ZCWPW2: variants seen among roughly 807,000 people sequenced by gnomAD.
The protein encoded by ZCWPW2 is zinc finger CW-type PWWP domain protein 2.
Under a neutral mutation model 46.6 loss-of-function variants are expected in ZCWPW2, and 45 were observed. The observed-to-expected ratio is 0.96, with a 90% CI of 0.76 to 1.24. The LOEUF (loss-of-function observed/expected upper bound fraction) is 1.24, where lower values mean the gene tolerates loss of function less well. Ranked by LOEUF, ZCWPW2 falls within the 50% of genes most tolerant of loss-of-function variation. The pLI is 0.00. For missense variants in ZCWPW2, 429 were observed against 403.9 expected, an observed-to-expected ratio of 1.06 and a Z score of -0.53; for synonymous variants, 152 against 137.1, an observed-to-expected ratio of 1.11 and a Z score of -0.76.
At chr3:28,392,162 G>T (rs1014363717) in intron 2 of ZCWPW2, among the ~76,000 whole-genome samples, 2 of 152,016 alleles carry the variant, frequency 1.3e-5, no homozygotes, top group African/African-American at 4.8e-5. Context: ...TCCAAAAGAG[G>T]CCAGGGCTAC....
intron 3 of ZCWPW2, among the ~76,000 whole-genome samples, chr3:28,424,228 AAC>A (rs55725925): frequency 0.05 from 7,001 of 138,674 alleles, 213 homozygotes; most frequent in African/African-American, 0.086. Context: ...GTCTTATTCC[AAC>A]ACACACACAC....
At chr3:28,470,258 G>A (rs1698986578) in intron 4 of ZCWPW2, among the ~76,000 whole-genome samples, 1 of 152,152 alleles carries the variant, frequency 6.6e-6, no homozygotes, top group Non-Finnish European at 1.5e-5. Flanking sequence ...ACTTCGGAAG[G>A]CCGAGGCTGG....
chr3:28,429,441 G>A (rs749790856), intron 3 of ZCWPW2, among the ~76,000 whole-genome samples: 1 of 152,172 alleles, frequency 6.6e-6, no homozygotes. Flanking sequence ...CATTCACAAA[G>A]ATATGGTTTG....
rs1240003715 is a variant in ZCWPW2 at position 28,515,743 on chromosome 3, G to GTA, written c.784+123_784+124insAT. On this transcript the variant is annotated intron_variant, in intron 8 of 9. Transcript: ENST00000383768. ...TGTGTGTGTGTGTGTGTGTGTGTGT[G>GTA]TGTATACACATATATACATGTGCGT... The GTA allele has an allele frequency of 4.3e-4, 313 of 724,190 alleles. 3 individuals are homozygous for GTA. In the African/African-American group the frequency reaches 5.4e-3, roughly 12 times the overall value. 44.9% of individuals were successfully genotyped at this position (724,190 alleles called of 1,614,324 possible).
At chr3:28,445,541 T>C (rs1346929971) in intron 4 of ZCWPW2, among the ~76,000 whole-genome samples, 1 of 151,992 alleles carries the variant, frequency 6.6e-6, no homozygotes, top group African/African-American at 2.4e-5. Flanking sequence ...AAAACAGCTA[T>C]AGAATATATG....
At chr3:28,509,704 T>G (rs141878591) in intron 6 of ZCWPW2, among the ~76,000 whole-genome samples, 37 of 152,308 alleles carry the variant, frequency 2.4e-4, no homozygotes, top group African/African-American at 8.4e-4. Context: ...TTGTGAGTTC[T>G]TTACATATTC....
intron 4 of ZCWPW2, among the ~76,000 whole-genome samples, chr3:28,467,291 C>A (rs1177667599): frequency 6.7e-6 from 1 of 149,458 alleles, no homozygotes; most frequent in African/African-American, 2.6e-5. Flanking sequence ...ATACAAACTA[C>A]AAACAGAGGA....
rs749223593 is a variant in ZCWPW2, at chr3:28,489,662, A to ACG, written c.611-2459_611-2458dup. On this transcript the variant is annotated intron_variant, in intron 5 of 9. Coordinates refer to ENST00000383768, the MANE Select transcript of ZCWPW2 (RefSeq NM_001040432.4). The stretch of plus-strand genomic sequence containing the variant: ...TTCTTTCTCTCTCTTTCACACACAC[A>ACG]CGCGCGCACACACACACACACACAC... Among the ~76,000 whole-genome samples the ACG allele has an allele frequency of 5.2e-3, 344 of 66,244 alleles. 5 individuals carry two copies. The highest frequency in any genetic ancestry group is 0.017 in the East Asian group (46 of 2,712). 43.5% of individuals were successfully genotyped at this position (66,244 alleles called of 152,430 possible).
At chr3:28,515,528 C>T (rs1403579277) in intron 7 of ZCWPW2, 26 bp from the exon 8 acceptor site, 5 of 1,543,570 alleles carry the variant, frequency 3.2e-6, no homozygotes, top group Admixed American at 1.7e-5. Context: ...TCTTTTGAAA[C>T]TAAATCTGTC....
chr3:28,385,347 C>T (rs531858540), intron 1 of ZCWPW2, among the ~76,000 whole-genome samples: 4 of 152,306 alleles, frequency 2.6e-5, no homozygotes, highest in Admixed American at 6.5e-5. Flanking sequence ...GGGATCTTGA[C>T]TGTTGGCCTG....
intron 4 of ZCWPW2, among the ~76,000 whole-genome samples, chr3:28,464,099 A>G (rs1006565492): frequency 2.0e-5 from 3 of 152,044 alleles, no homozygotes; most frequent in Admixed American, 2.0e-4. Flanking sequence ...TCTTTACCTC[A>G]TGTGTAGTAC....
intron 1 of ZCWPW2, among the ~76,000 whole-genome samples, chr3:28,357,071 A>G (rs1704764634): frequency 6.9e-6 from 1 of 144,010 alleles, no homozygotes; most frequent in South Asian, 2.1e-4. Context: ...ATGTGCCTAT[A>G]AAGAAAAAAA....
chr3:28,369,652 C>T (rs1387189871), intron 1 of ZCWPW2, among the ~76,000 whole-genome samples: 5 of 152,178 alleles, frequency 3.3e-5, no homozygotes, highest in South Asian at 4.1e-4. Flanking sequence ...TCTCCAGCTG[C>T]GTGCTGGGGG....
chr3:28,421,741 TTC>T (rs1491242724), intron 3 of ZCWPW2, among the ~76,000 whole-genome samples: 2 of 151,966 alleles, frequency 1.3e-5, no homozygotes, highest in African/African-American at 4.8e-5. Flanking sequence ...TGTTTTTTTT[TTC>T]ATATATAACA....
chr3:28,413,213 T>A lies in ZCWPW2; in HGVS notation c.145T>A (p.Ser49Thr), dbSNP rs770219122. 67 of 1,613,308 alleles carry A rather than the reference T, an allele frequency of 4.2e-5. No homozygotes were observed. In the South Asian group the frequency reaches 6.9e-4, roughly 17 times the overall value. The change falls in exon 3 of 10, where the codon TCA becomes ACA. Residue 49 changes from serine to threonine, a missense_variant. Transcript: ENST00000383768. ...ATGGAGATTGTTATCAAGTGAGGATTCAGCCAAGGTTGATCATGATGAACC... is the reference window on the plus strand; with the variant it reads ...ATGGAGATTGTTATCAAGTGAGGATACAGCCAAGGTTGATCATGATGAACC... ...LKWRLLSSED[S>T]AKVDHDEPWY...
At chr3:28,487,785 G>T (rs1330441374) in intron 5 of ZCWPW2, among the ~76,000 whole-genome samples, 1 of 152,072 alleles carries the variant, frequency 6.6e-6, no homozygotes, top group African/African-American at 2.4e-5. Flanking sequence ...CTATGATAAA[G>T]TCTCAGTCCT....
At chr3:28,386,864 C>A (rs1216879235) in intron 1 of ZCWPW2, among the ~76,000 whole-genome samples, 1 of 152,034 alleles carries the variant, frequency 6.6e-6, no homozygotes, top group Non-Finnish European at 1.5e-5. Flanking sequence ...ATTTTAGATT[C>A]ATTGTTAGTC....
intron 2 of ZCWPW2, among the ~76,000 whole-genome samples, chr3:28,391,961 A>G (rs1695511736): frequency 6.6e-6 from 1 of 152,200 alleles, no homozygotes; most frequent in Non-Finnish European, 1.5e-5. Context: ...GTCCTTACTT[A>G]CTGTTTGCTA....
chr3:28,428,635 G>A (rs1670576105), intron 3 of ZCWPW2, among the ~76,000 whole-genome samples: 1 of 152,134 alleles, frequency 6.6e-6, no homozygotes. Flanking sequence ...TAACCCACCT[G>A]AATCTCATCT....
Sources: gnomAD v4.1 joint callset for allele counts (sites outside exome capture counted in the v4.1 genomes callset) on GRCh38, gnomAD v4.1.1 for gene constraint, MANE v1.5 for transcripts, NCBI Gene and HGNC (gene_info 2026-07-23, HGNC 2026-07-21) for gene names.